ALK: variants seen among roughly 807,000 people sequenced by gnomAD.
ALK encodes the protein ALK tyrosine kinase receptor.
ALK carries 74 observed loss-of-function variants against 163.1 expected under a neutral mutation model. That is an observed-to-expected ratio of 0.45 (90% CI 0.38 to 0.55). The LOEUF (loss-of-function observed/expected upper bound fraction) is 0.55. ALK is among the 20% of genes least tolerant of loss of function. The pLI is 0.00. For synonymous variants in ALK, 960 were observed against 843.2 expected (o/e 1.14, Z -2.40); for missense variants, 2,063 against 2,105.3 (o/e 0.98, Z 0.39).
chr2:29,342,584 T>G (rs1398482566), intron 5 of ALK, among the ~76,000 whole-genome samples: 1 of 152,152 alleles, frequency 6.6e-6, no homozygotes, highest in Non-Finnish European at 1.5e-5. Flanking sequence ...AGATGGTAAA[T>G]TTTATGTTAT....
At chr2:29,867,994 G>T (rs1666481964) in intron 1 of ALK, among the ~76,000 whole-genome samples, 1 of 152,218 alleles carries the variant, frequency 6.6e-6, no homozygotes, top group Non-Finnish European at 1.5e-5. Flanking sequence ...GCATAATCGG[G>T]TGGAGAGCAA....
At chr2:29,752,348 C>CTTTT (rs34424748) in intron 1 of ALK, among the ~76,000 whole-genome samples, 16 of 120,960 alleles carry the variant, frequency 1.3e-4, no homozygotes, top group East Asian at 2.3e-4. Flanking sequence ...ATTTTCTTTT[C>CTTTT]TTTTTTTTTT....
chr2:29,876,079 A>G (rs946013551), intron 1 of ALK, among the ~76,000 whole-genome samples: 2 of 152,132 alleles, frequency 1.3e-5, no homozygotes, highest in Non-Finnish European at 2.9e-5. Context: ...TTGAGATTAT[A>G]TTCTGTTATC....
intron 3 of ALK, among the ~76,000 whole-genome samples, chr2:29,630,233 C>T (rs939060725): frequency 1.3e-5 from 2 of 152,130 alleles, no homozygotes; most frequent in East Asian, 3.8e-4. Context: ...GATATTTCTC[C>T]TAGCTTCTGC....
At chr2:29,719,905 A>T (rs1263798930) in intron 1 of ALK, among the ~76,000 whole-genome samples, 1 of 152,114 alleles carries the variant, frequency 6.6e-6, no homozygotes, top group Admixed American at 6.5e-5. Context: ...GTCTGGGAAG[A>T]CTCGGACAAT....
intron 1 of ALK, among the ~76,000 whole-genome samples, chr2:29,889,505 A>G (rs1328413047): frequency 6.6e-6 from 1 of 151,440 alleles, no homozygotes; most frequent in African/African-American, 2.4e-5. Flanking sequence ...TAAATAATAG[A>G]TGGATGGATG....
intron 4 of ALK, among the ~76,000 whole-genome samples, chr2:29,523,515 G>A (rs1290369622): frequency 6.6e-6 from 1 of 152,114 alleles, no homozygotes; most frequent in East Asian, 1.9e-4. Context: ...TGAATTTCTT[G>A]ACACCAGTGT....
rs112232256 is a variant in ALK, at chr2:29,827,501, T to A, written c.667+92492A>T. Among the ~76,000 whole-genome samples, 16 of 152,324 alleles carry A rather than the reference T, an allele frequency of 1.1e-4. 1 individual carries two copies. Among genetic ancestry groups the A allele is most frequent in the African/African-American group, 2.4e-4 (10 of 41,574 alleles). ...ACATATTAGAGATGCTGTTTTCTGA[T>A]TAGTATTTATCCTACTTAGACCAAT... On this transcript the variant is annotated intron_variant, in intron 1 of 28. Transcript: ENST00000389048.
At chr2:29,735,006 C>A (rs1055351641) in intron 1 of ALK, among the ~76,000 whole-genome samples, 13 of 152,048 alleles carry the variant, frequency 8.5e-5, no homozygotes, top group African/African-American at 3.1e-4. Context: ...AATTGCTATG[C>A]ACATGGATCA....
intron 6 of ALK, among the ~76,000 whole-genome samples, chr2:29,326,984 T>G (rs2148256840): frequency 1.3e-5 from 2 of 152,290 alleles, no homozygotes; most frequent in East Asian, 3.9e-4. Context: ...CCCGCCCCTG[T>G]GTGAAGCTTT....
chr2:29,547,534 T>G (rs546265407), intron 3 of ALK, among the ~76,000 whole-genome samples: 34 of 152,174 alleles, frequency 2.2e-4, no homozygotes, highest in Admixed American at 1.2e-3. Flanking sequence ...GAGGCGGAGG[T>G]TGCAGTGAGC....
At chr2:29,265,825 T>A (rs953138939) in intron 11 of ALK, among the ~76,000 whole-genome samples, 5 of 151,928 alleles carry the variant, frequency 3.3e-5, no homozygotes, top group Admixed American at 2.6e-4. Context: ...CCGTCTCTAC[T>A]AAAAATGCAA....
At chr2:29,421,291 C>T (rs1177768714) in intron 4 of ALK, among the ~76,000 whole-genome samples, 1 of 151,500 alleles carries the variant, frequency 6.6e-6, no homozygotes, top group Non-Finnish European at 1.5e-5. Context: ...CTTGACTGTG[C>T]AGAGAAAGTA....
At chr2:29,768,713 C>CTATGTGTGTGTGTGTGTGTGTGTG (rs149394341) in intron 1 of ALK, among the ~76,000 whole-genome samples, 1 of 142,862 alleles carries the variant, frequency 7.0e-6, no homozygotes, top group African/African-American at 2.6e-5. Flanking sequence ...TTATATATGT[C>CTATGTGTGTGTGTGTGTGTGTGTG]TGTGTGTGTG....
At chr2:29,546,741 G>A (rs748292656) in intron 3 of ALK, among the ~76,000 whole-genome samples, 15 of 152,060 alleles carry the variant, frequency 9.9e-5, no homozygotes, top group African/African-American at 2.7e-4. Flanking sequence ...AAGAGGTAGC[G>A]GCTTTTATTG....
chr2:29,818,121 A>G (rs947950328), intron 1 of ALK, among the ~76,000 whole-genome samples: 6 of 152,030 alleles, frequency 3.9e-5, no homozygotes, highest in African/African-American at 7.2e-5. Context: ...TATTCCTCTT[A>G]TTATCTCCTA....
At chr2:29,695,922 T>C (rs973107064) in intron 2 of ALK, among the ~76,000 whole-genome samples, 1 of 152,214 alleles carries the variant, frequency 6.6e-6, no homozygotes, top group African/African-American at 2.4e-5. Flanking sequence ...GGTGGGAGTG[T>C]AAATTAGTTC....
At chr2:29,275,576 C>T in intron 9 of ALK, 80 bp from the exon 10 acceptor site, 4 of 1,409,690 alleles carry the variant, frequency 2.8e-6, no homozygotes, top group Non-Finnish European at 4.0e-6. Flanking sequence ...CAGGTGTGTG[C>T]TGATCACCTG....
chr2:29,627,342 A>G (rs964423352), intron 3 of ALK, among the ~76,000 whole-genome samples: 4 of 152,182 alleles, frequency 2.6e-5, no homozygotes, highest in Non-Finnish European at 5.9e-5. Context: ...TTTGCAAGGA[A>G]GAGTATTTGC....
Sources: allele counts gnomAD v4.1 joint callset (sites outside exome capture counted in the v4.1 genomes callset), GRCh38; gene constraint gnomAD v4.1.1; transcripts MANE v1.5; gene names NCBI Gene and HGNC (gene_info 2026-07-23, HGNC 2026-07-21).